The following ZNF251 variants were observed in gnomAD, a reference collection of about 807,000 sequenced individuals.
ZNF251 encodes the protein zinc finger protein 251.
A neutral mutation model predicts 13.5 loss-of-function variants in ZNF251; 14 were observed. That is an observed-to-expected ratio of 1.04 (90% CI 0.69 to 1.63). The LOEUF (loss-of-function observed/expected upper bound fraction) is 1.63, where lower values mean the gene tolerates loss of function less well. Ranked by LOEUF, ZNF251 falls within the 40% of genes most tolerant of loss-of-function variation. The probability of loss-of-function intolerance (pLI) is 0.00; values close to 1 mark genes in which losing one functional copy is unlikely to be tolerated. For missense variants in ZNF251, 764 were observed against 834.9 expected (o/e 0.92, Z 1.05); for synonymous variants, 287 against 295.2 (o/e 0.97, Z 0.28).
Position 144,721,450 on chromosome 8 carries a change from TAC to T in ZNF251, c.*192_*193del. On this transcript the variant is annotated 3_prime_UTR_variant, in exon 5 of 5. Coordinates refer to ENST00000292562, the MANE Select transcript of ZNF251 (RefSeq NM_138367.2). ...AACTCCTGAGCACAGCAGTAACCTT[TAC>T]ACAGACAGCCTGATTTCCCAGAATG... 3 of 544,538 alleles carry T rather than the reference TAC, an allele frequency of 5.5e-6. No homozygotes were observed. The highest frequency in any genetic ancestry group is 8.4e-6 in the Non-Finnish European group (3 of 358,350). The allele number at this position is 544,538 out of a possible 1,614,324, so 33.7% of individuals were successfully genotyped here. A position where few individuals can be genotyped will look rare whatever the true frequency, so the allele number is the denominator to read the frequency against.
At position 144,750,404 on chromosome 8, in the gene ZNF251, T is replaced by G. The variant is rs369640356; in HGVS notation, c.277+3279A>C. On this transcript the variant is annotated intron_variant, in intron 4 of 4. Transcript: ENST00000292562. ...CAAGTGCTTTTCAGCTTCCCCCACC[T>G]GCCATTAGGTGGGACAGAATATCCA... Among the ~76,000 whole-genome samples the G allele has an allele frequency of 3.0e-4, 46 of 152,302 alleles. 1 individual carries two copies. In the South Asian group the frequency reaches 8.5e-3, roughly 28 times the overall value.
At chr8:144,736,207 C>A (rs1460271751) in intron 4 of ZNF251, among the ~76,000 whole-genome samples, 1 of 112,496 alleles carries the variant, frequency 8.9e-6, no homozygotes. Context: ...AATACCCTCC[C>A]TCCTTTCCCG....
chr8:144,732,773 C>G (rs907352595), intron 4 of ZNF251, among the ~76,000 whole-genome samples: 1 of 146,210 alleles, frequency 6.8e-6, no homozygotes. Flanking sequence ...GATCGCACCA[C>G]TGCACTCCAG....
At chr8:144,729,743 C>T (rs1586683934) in intron 4 of ZNF251, among the ~76,000 whole-genome samples, 3 of 152,204 alleles carry the variant, frequency 2.0e-5, no homozygotes, top group East Asian at 3.9e-4. Context: ...CGCCTGTGAT[C>T]CCCGCACTTT....
rs769557717 is a variant in ZNF251, at chr8:144,722,881, G to T, written c.779C>A (p.Thr260Asn). The change falls in exon 5 of 5, where the codon ACT becomes AAT. Residue 260 changes from threonine to asparagine, a missense_variant. Physicochemically the swap from Thr to Asn is moderately conservative, Grantham distance 65. Transcript: ENST00000292562. The surrounding 1 kb of genome is among the most constrained non-coding windows in gnomAD (Gnocchi z 4.8). ...ATCACATTTAAATGGTTTATTTCCA[G>T]TGTGAATGTGATGGTGCAGAACAAG... ...SNLVLHHHIH[T>N]GNKPFKCDEC... The T allele has an allele frequency of 4.3e-6, 7 of 1,613,872 alleles. No individual in the cohort carries two copies. The East Asian group carries it at 1.6e-4, about 36-fold the overall frequency.
rs1271484693 is a variant in ZNF251, at chr8:144,753,816, T to C, written c.164-20A>G. 5.8e-6 allele frequency: 9 copies of C among 1,544,214 alleles called. No individual in the cohort carries two copies. Among genetic ancestry groups the C allele is most frequent in the Admixed American group, 1.9e-5 (1 of 51,436 alleles). On this transcript the variant is annotated intron_variant, in intron 3 of 4. Transcript: ENST00000292562. ...GGAATCCTGTTGAGGATGAGGACAC[T>C]GGTGAGCTGGCATGGCCCACTGGGC... is the stretch of plus-strand genomic sequence containing the variant.
intron 4 of ZNF251, among the ~76,000 whole-genome samples, chr8:144,739,978 C>A (rs1824082612): frequency 6.6e-6 from 1 of 151,966 alleles, no homozygotes; most frequent in African/African-American, 2.4e-5. Flanking sequence ...TTCAGGAAAC[C>A]ACAAAAATAA....
intron 4 of ZNF251, chr8:144,738,502 A>G (rs1824005520): frequency 3.1e-6 from 3 of 964,102 alleles, no homozygotes; most frequent in African/African-American, 1.8e-5. Flanking sequence ...CCTGACACAC[A>G]GGGTCTTCCC....
chr8:144,755,423 G>GA lies in ZNF251; in HGVS notation c.-95dup. On this transcript the variant is annotated 5_prime_UTR_variant, in exon 1 of 5. Transcript: ENST00000292562. ...GCCCCACCTGTTTGCTCGACCCGGG[G>GA]AAGCCACCGAGGAAGCGCCGAGGAG... 7.8e-7 allele frequency: 1 copy of GA among 1,288,288 alleles called. No individual in the cohort carries two copies. The highest frequency in any genetic ancestry group is 1.0e-6 in the Non-Finnish European group (1 of 988,822). 79.8% of individuals were successfully genotyped at this position (1,288,288 alleles called of 1,614,324 possible). A position where few individuals can be genotyped will look rare whatever the true frequency, so the allele number is the denominator to read the frequency against.
intron 4 of ZNF251, among the ~76,000 whole-genome samples, chr8:144,737,093 G>A (rs113253119): frequency 0.013 from 1,930 of 150,034 alleles, 30 homozygotes; most frequent in African/African-American, 0.045. Context: ...CGTGAGCCAC[G>A]GCACCCGGCC....
intron 4 of ZNF251, among the ~76,000 whole-genome samples, chr8:144,731,948 A>ATTTTTTTTT (rs59877504): frequency 0.029 from 4,056 of 141,926 alleles, 195 homozygotes; most frequent in African/African-American, 0.095. Context: ...TGACAGCTGC[A>ATTTTTTTTT]TTTTTTTTTT....
intron 4 of ZNF251, among the ~76,000 whole-genome samples, chr8:144,735,098 T>G (rs1296308360): frequency 2.0e-5 from 3 of 150,540 alleles, no homozygotes; most frequent in Non-Finnish European, 4.4e-5. Context: ...AAAGAGATTT[T>G]ACATTGGCTG....
chr8:144,721,385 C>T lies in ZNF251; in HGVS notation c.*259G>A. On this transcript the variant is annotated 3_prime_UTR_variant, in exon 5 of 5. Transcript: ENST00000292562. ...TGGGCTCACTTTTCACGCCCTCCAT[C>T]CATTCGTCATGAGTATCCGGATACA... 1 of 406,688 alleles carries T rather than the reference C, an allele frequency of 2.5e-6. No individual in the cohort carries two copies. Among genetic ancestry groups the T allele is most frequent in the Non-Finnish European group, 4.3e-6 (1 of 234,470 alleles). 25.2% of individuals were successfully genotyped at this position (406,688 alleles called of 1,614,324 possible).
rs569940532 is a variant in ZNF251, at chr8:144,732,766, C to T, written c.278-9384G>A. 4.0e-4 allele frequency among the ~76,000 whole-genome samples: 59 copies of T among 146,792 alleles called. 1 individual carries two copies. The East Asian group carries it at 5.7e-3, about 14-fold the overall frequency. ...GGCGGAGCTTGCAGTGAGCCAAGAT[C>T]GCACCACTGCACTCCAGCCTGGGCG... On this transcript the variant is annotated intron_variant, in intron 4 of 4. Transcript: ENST00000292562.
At chr8:144,745,446 C>T (rs1291079505) in intron 4 of ZNF251, among the ~76,000 whole-genome samples, 1 of 152,116 alleles carries the variant, frequency 6.6e-6, no homozygotes, top group African/African-American at 2.4e-5. Flanking sequence ...GTCCTCCAAC[C>T]TTGCTCTTCT....
intron 4 of ZNF251, among the ~76,000 whole-genome samples, chr8:144,744,547 G>C (rs1824326538): frequency 6.6e-6 from 1 of 152,160 alleles, no homozygotes; most frequent in Non-Finnish European, 1.5e-5. Flanking sequence ...TTGGAGATGG[G>C]GTCTTTGAGA....
intron 4 of ZNF251, among the ~76,000 whole-genome samples, chr8:144,732,843 C>T (rs1050580216): frequency 3.3e-5 from 5 of 150,414 alleles, no homozygotes; most frequent in Non-Finnish European, 7.4e-5. Context: ...CATTGGACAG[C>T]CTTAGAACCT....
At chr8:144,755,069 G>C in intron 1 of ZNF251, 2 of 1,308,658 alleles carry the variant, frequency 1.5e-6, no homozygotes, top group Admixed American at 3.6e-5. Context: ...CCTGGAAATG[G>C]GGTGCAGGGC....
At chr8:144,725,238 C>G (rs1414540141) in intron 4 of ZNF251, among the ~76,000 whole-genome samples, 1 of 152,246 alleles carries the variant, frequency 6.6e-6, no homozygotes, top group Non-Finnish European at 1.5e-5. Context: ...TGGTTGCAAA[C>G]TCCTGAGCTC....
Sources: allele counts gnomAD v4.1 joint callset (sites outside exome capture counted in the v4.1 genomes callset), GRCh38; gene constraint gnomAD v4.1.1; non-coding constraint Gnocchi (gnomAD v3.1); transcripts MANE v1.5; gene names NCBI Gene and HGNC (gene_info 2026-07-23, HGNC 2026-07-21).